Variants in ARHGAP42 observed in about 807,000 individuals in gnomAD.
ARHGAP42 encodes rho GTPase-activating protein 42.
Under a neutral mutation model 125.0 loss-of-function variants are expected in ARHGAP42, and 63 were observed. That is an observed-to-expected ratio of 0.50 (90% CI 0.41 to 0.62). The LOEUF (loss-of-function observed/expected upper bound fraction) is 0.62, where lower values mean the gene tolerates loss of function less well. Among genes scored for constraint, ARHGAP42 ranks in the 20% least tolerant of loss-of-function variants. The pLI, the probability that ARHGAP42 is intolerant of heterozygous loss-of-function variation, is 0.00. For synonymous variants in ARHGAP42, 339 were observed against 351.0 expected, an observed-to-expected ratio of 0.97 and a Z score of 0.38; for missense variants, 766 against 1,024.2, an observed-to-expected ratio of 0.75 and a Z score of 3.44.
chr11:100,922,267 T>C (rs1867297688), intron 6 of ARHGAP42, among the ~76,000 whole-genome samples: 1 of 152,194 alleles, frequency 6.6e-6, no homozygotes, highest in Admixed American at 6.5e-5. Flanking sequence ...GACTTTCCTA[T>C]GAAGTCATTT....
chr11:100,841,373 G>C (rs984719376), intron 3 of ARHGAP42, among the ~76,000 whole-genome samples: 1 of 151,984 alleles, frequency 6.6e-6, no homozygotes, highest in African/African-American at 2.4e-5. Flanking sequence ...TTTAGGGGCA[G>C]AACTTCCCCT....
chr11:100,733,144 A>G (rs938597164), intron 1 of ARHGAP42, among the ~76,000 whole-genome samples: 2 of 152,240 alleles, frequency 1.3e-5, no homozygotes, highest in African/African-American at 4.8e-5. Context: ...TTCAGCTGCT[A>G]GATTCAAATC....
At chr11:100,979,143 C>T in intron 22 of ARHGAP42, 94 bp downstream of exon 22, 1 of 1,239,554 alleles carries the variant, frequency 8.1e-7, no homozygotes, top group East Asian at 2.5e-5. Flanking sequence ...CTCCGCCTCT[C>T]CATTATGCAG....
intron 21 of ARHGAP42, among the ~76,000 whole-genome samples, chr11:100,978,069 C>T (rs146276917): frequency 1.7e-3 from 263 of 152,198 alleles, no homozygotes; most frequent in Admixed American, 4.3e-3. Flanking sequence ...GTCTACTCCC[C>T]ACTGTGTGTA....
chr11:100,863,411 G>T (rs1565247860), intron 4 of ARHGAP42, among the ~76,000 whole-genome samples: 1 of 152,188 alleles, frequency 6.6e-6, no homozygotes, highest in African/African-American at 2.4e-5. Flanking sequence ...GGAAAATGCT[G>T]AGTCAAAGTG....
chr11:100,806,662 G>C (rs987981117), intron 3 of ARHGAP42, among the ~76,000 whole-genome samples: 1 of 151,974 alleles, frequency 6.6e-6, no homozygotes, highest in African/African-American at 2.4e-5. Context: ...CACATTTACT[G>C]AATTGTGGAT....
At chr11:100,897,880 G>T (rs554591475) in intron 4 of ARHGAP42, among the ~76,000 whole-genome samples, 25 of 152,126 alleles carry the variant, frequency 1.6e-4, no homozygotes, top group Non-Finnish European at 3.2e-4. Context: ...ACACTATGTT[G>T]AATAGGAGTG....
At chr11:100,954,246 C>T (rs1857741688) in intron 12 of ARHGAP42, among the ~76,000 whole-genome samples, 2 of 152,136 alleles carry the variant, frequency 1.3e-5, no homozygotes, top group Admixed American at 6.6e-5. Context: ...ACTTAGATCT[C>T]ATTCTCTCAT....
chr11:100,936,644 A>G (rs1201340331), intron 8 of ARHGAP42, among the ~76,000 whole-genome samples: 1 of 152,190 alleles, frequency 6.6e-6, no homozygotes, highest in Non-Finnish European at 1.5e-5. Context: ...CAAAGCCTTT[A>G]CTGACATGAA....
rs1307549992 is a variant in ARHGAP42, at chr11:100,980,572, T to C, written c.2456+1523T>C. Among the ~76,000 whole-genome samples, 49 of 115,212 alleles carry C rather than the reference T, an allele frequency of 4.3e-4. 1 individual carries two copies. In the South Asian group the frequency reaches 5.1e-3, roughly 12 times the overall value. The allele number at this position is 115,212 out of a possible 152,430, so 75.6% of individuals were successfully genotyped here. ...CTTTTTCTTCTTCTTTTTTTTTTTT[T>C]TTTTTTTTTTTTTTTTTGAGAAAGA... On this transcript the variant is annotated intron_variant, in intron 22 of 23. Transcript: ENST00000298815.
At chr11:100,777,708 T>A (rs1863164116) in intron 2 of ARHGAP42, among the ~76,000 whole-genome samples, 1 of 152,196 alleles carries the variant, frequency 6.6e-6, no homozygotes, top group Non-Finnish European at 1.5e-5. Flanking sequence ...GAAAATGCAT[T>A]CAAAAGATCA....
At chr11:100,871,452 A>G (rs972876352) in intron 4 of ARHGAP42, among the ~76,000 whole-genome samples, 12 of 150,518 alleles carry the variant, frequency 8.0e-5, no homozygotes, top group Admixed American at 4.6e-4. Context: ...AGACTGAGGT[A>G]GGAGAATCTC....
chr11:100,961,778 G>GT lies in ARHGAP42; in HGVS notation c.1385+13dup, dbSNP rs1565296270. 6.5e-7 allele frequency: 1 copy of GT among 1,547,360 alleles called. No homozygotes were observed. Among genetic ancestry groups the GT allele is most frequent in the Non-Finnish European group, 8.7e-7 (1 of 1,143,076 alleles). ...TGAAAAACTACCTCAGGTGAGGAGG[G>GT]TTTAACTCCTGGTACTCTGGATGTA... On this transcript the variant is annotated intron_variant, in intron 15 of 23. Transcript: ENST00000298815.
intron 5 of ARHGAP42, among the ~76,000 whole-genome samples, chr11:100,918,935 T>C (rs1288793524): frequency 6.6e-6 from 1 of 152,210 alleles, no homozygotes; most frequent in Non-Finnish European, 1.5e-5. Flanking sequence ...TACTTTTGTG[T>C]TGGGGTACCC....
intron 3 of ARHGAP42, among the ~76,000 whole-genome samples, chr11:100,830,825 A>G (rs921904385): frequency 2.6e-5 from 4 of 152,148 alleles, no homozygotes; most frequent in Admixed American, 1.3e-4. Flanking sequence ...GGCAAGGTCA[A>G]TAGCCTGCTT....
At chr11:100,969,987 T>C (rs1858196865) in intron 17 of ARHGAP42, among the ~76,000 whole-genome samples, 1 of 152,048 alleles carries the variant, frequency 6.6e-6, no homozygotes, top group Non-Finnish European at 1.5e-5. Flanking sequence ...CTTGTTTGTT[T>C]AGTGTCTTTT....
intron 3 of ARHGAP42, among the ~76,000 whole-genome samples, chr11:100,818,381 T>C (rs573843981): frequency 1.3e-5 from 2 of 152,148 alleles, no homozygotes; most frequent in Non-Finnish European, 2.9e-5. Context: ...ACGTCAGTGA[T>C]GTAGGATGTG....
intron 4 of ARHGAP42, among the ~76,000 whole-genome samples, chr11:100,901,654 A>AGC (rs1195789139): frequency 1.3e-5 from 2 of 152,060 alleles, no homozygotes; most frequent in African/African-American, 4.8e-5. Context: ...CTGCCACCTC[A>AGC]CTGTTTGATC....
intron 3 of ARHGAP42, among the ~76,000 whole-genome samples, chr11:100,850,584 AAAC>A (rs1389772938): frequency 1.3e-5 from 2 of 152,182 alleles, no homozygotes; most frequent in African/African-American, 4.8e-5. Flanking sequence ...CACCTATATT[AAAC>A]AACAAATAGT....
Sources: gnomAD v4.1 joint callset for allele counts (sites outside exome capture counted in the v4.1 genomes callset) on GRCh38, gnomAD v4.1.1 for gene constraint, MANE v1.5 for transcripts, NCBI Gene and HGNC (gene_info 2026-07-23, HGNC 2026-07-21) for gene names.